Variants in PTPRD observed in about 807,000 individuals in gnomAD.
PTPRD encodes the protein receptor-type tyrosine-protein phosphatase delta.
PTPRD carries 34 observed loss-of-function variants against 214.5 expected under a neutral mutation model. The observed-to-expected ratio is 0.16, with a 90% CI of 0.12 to 0.21. The LOEUF is 0.21. Ranked by LOEUF, PTPRD falls within the 10% of genes least tolerant of loss-of-function variation. PTPRD has a pLI of 1.00. For synonymous variants in PTPRD, 1,128 were observed against 845.7 expected (o/e 1.33, Z -5.79); for missense variants, 2,545 against 2,398.7 (o/e 1.06, Z -1.27).
rs537543258 is a variant in PTPRD at position 8,511,147 on chromosome 9, C to T, written c.1544-3713G>A. On this transcript the variant is annotated intron_variant, in intron 21 of 45. Transcript: ENST00000381196. ...GCAATGGCACAATCATGGTTCACTA[C>T]AGCTTTGACCTCCAGGTCTCAAGTG... Among the ~76,000 whole-genome samples, 3 of 152,286 alleles carry T rather than the reference C, an allele frequency of 2.0e-5. No individual in the cohort carries two copies. In the East Asian group the frequency reaches 5.8e-4, roughly 29 times the overall value.
chr9:9,794,045 G>C (rs886982596), intron 5 of PTPRD, among the ~76,000 whole-genome samples: 10 of 151,904 alleles, frequency 6.6e-5, no homozygotes, highest in African/African-American at 2.2e-4. Flanking sequence ...CATTAAGCTA[G>C]GTTAAAAAAT....
At chr9:8,816,390 T>C (rs1214480028) in intron 11 of PTPRD, among the ~76,000 whole-genome samples, 1 of 152,186 alleles carries the variant, frequency 6.6e-6, no homozygotes, top group East Asian at 1.9e-4. Context: ...ACTCTTTTGA[T>C]TGTTGAGGAT....
At chr9:10,595,518 C>CA (rs1165413900) in intron 2 of PTPRD, among the ~76,000 whole-genome samples, 1 of 151,594 alleles carries the variant, frequency 6.6e-6, no homozygotes, top group Non-Finnish European at 1.5e-5. Flanking sequence ...GCTAATCTTC[C>CA]ATAGACAAGT....
intron 3 of PTPRD, among the ~76,000 whole-genome samples, chr9:10,064,931 A>G (rs2097847809): frequency 6.6e-6 from 1 of 151,958 alleles, no homozygotes; most frequent in African/African-American, 2.4e-5. Flanking sequence ...ACTAAATTTG[A>G]CTGCTCCACA....
intron 7 of PTPRD, among the ~76,000 whole-genome samples, chr9:9,710,905 T>G (rs2097714283): frequency 6.6e-6 from 1 of 152,192 alleles, no homozygotes; most frequent in Admixed American, 6.5e-5. Flanking sequence ...GTATGGAATT[T>G]GCATGTTCTC....
At chr9:9,762,582 A>T (rs1303232369) in intron 6 of PTPRD, among the ~76,000 whole-genome samples, 1 of 152,210 alleles carries the variant, frequency 6.6e-6, no homozygotes, top group African/African-American at 2.4e-5. Context: ...TTTATTGCTC[A>T]TAAGTTCCAC....
At chr9:9,606,362 C>G (rs1457692261) in intron 7 of PTPRD, among the ~76,000 whole-genome samples, 4 of 152,020 alleles carry the variant, frequency 2.6e-5, no homozygotes, top group Admixed American at 2.6e-4. Context: ...CTTAAAACAA[C>G]AGCAATTTCT....
intron 2 of PTPRD, among the ~76,000 whole-genome samples, chr9:10,539,955 A>G (rs2058723222): frequency 6.6e-6 from 1 of 152,222 alleles, no homozygotes; most frequent in African/African-American, 2.4e-5. Context: ...AATGTTTTAA[A>G]TACTTCTCTG....
chr9:9,645,614 A>T (rs1390751557), intron 7 of PTPRD, among the ~76,000 whole-genome samples: 1 of 151,926 alleles, frequency 6.6e-6, no homozygotes, highest in Non-Finnish European at 1.5e-5. Context: ...TACAAAACAA[A>T]AACATAAACT....
chr9:9,078,371 A>C (rs1452630871), intron 10 of PTPRD, among the ~76,000 whole-genome samples: 1 of 152,086 alleles, frequency 6.6e-6, no homozygotes, highest in Non-Finnish European at 1.5e-5. Context: ...AAATTACAAC[A>C]TTCCTTTCCA....
intron 3 of PTPRD, among the ~76,000 whole-genome samples, chr9:10,112,378 A>G (rs2098698536): frequency 6.6e-6 from 1 of 152,184 alleles, no homozygotes; most frequent in Non-Finnish European, 1.5e-5. Context: ...ACAAATGGGC[A>G]TATTATTTTT....
chr9:8,563,215 T>C (rs924140874), intron 14 of PTPRD, among the ~76,000 whole-genome samples: 10 of 152,082 alleles, frequency 6.6e-5, no homozygotes, highest in African/African-American at 2.4e-4. Flanking sequence ...ACTGTTTGCC[T>C]GGGAAGCGTA....
intron 4 of PTPRD, among the ~76,000 whole-genome samples, chr9:9,958,308 T>A (rs1303605255): frequency 6.6e-6 from 1 of 152,102 alleles, no homozygotes; most frequent in Non-Finnish European, 1.5e-5. Flanking sequence ...GGTGGGTGGA[T>A]CACCTGAGGT....
intron 2 of PTPRD, among the ~76,000 whole-genome samples, chr9:10,483,652 C>A (rs1421678997): frequency 6.6e-6 from 1 of 151,856 alleles, no homozygotes; most frequent in African/African-American, 2.4e-5. Context: ...ATATAAATGG[C>A]CAACAAACAT....
intron 3 of PTPRD, among the ~76,000 whole-genome samples, chr9:10,060,848 CCTTTCTTT>C (rs1176741920): frequency 9.0e-6 from 1 of 111,264 alleles, no homozygotes; most frequent in Admixed American, 8.0e-5. Flanking sequence ...TCCTTCCTTT[CCTTTCTTT>C]CTTCCTTCCT....
intron 7 of PTPRD, among the ~76,000 whole-genome samples, chr9:9,728,097 G>C (rs940812680): frequency 3.3e-5 from 5 of 151,914 alleles, no homozygotes; most frequent in African/African-American, 1.2e-4. Flanking sequence ...TCCTCTTTTT[G>C]CTTGGCTCCC....
chr9:8,930,516 A>G (rs2154281226), intron 11 of PTPRD, among the ~76,000 whole-genome samples: 1 of 152,242 alleles, frequency 6.6e-6, no homozygotes, highest in Non-Finnish European at 1.5e-5. Flanking sequence ...TTCTAGTTCT[A>G]GATCCCGGAG....
intron 8 of PTPRD, among the ~76,000 whole-genome samples, chr9:9,413,698 G>C (rs2076199842): frequency 6.6e-6 from 1 of 152,084 alleles, no homozygotes; most frequent in South Asian, 2.1e-4. Flanking sequence ...TTATGAACTT[G>C]GTCAATACAT....
At chr9:10,592,291 A>G (rs562936418) in intron 2 of PTPRD, among the ~76,000 whole-genome samples, 23 of 152,114 alleles carry the variant, frequency 1.5e-4, no homozygotes, top group African/African-American at 5.5e-4. Context: ...CCAGTAGACT[A>G]AATCTCACCA....
Sources: gnomAD v4.1 joint callset for allele counts (sites outside exome capture counted in the v4.1 genomes callset) on GRCh38, gnomAD v4.1.1 for gene constraint, MANE v1.5 for transcripts, NCBI Gene and HGNC (gene_info 2026-07-23, HGNC 2026-07-21) for gene names.